RFTN1: variants seen among roughly 807,000 people sequenced by gnomAD.
RFTN1 encodes raftlin.
A neutral mutation model predicts 46.5 loss-of-function variants in RFTN1; 26 were observed. The observed-to-expected ratio is 0.56, with a 90% CI of 0.41 to 0.78. The LOEUF (loss-of-function observed/expected upper bound fraction) is 0.78, where lower values mean the gene tolerates loss of function less well. Among genes scored for constraint, RFTN1 ranks in the 30% least tolerant of loss-of-function variants. The probability of loss-of-function intolerance (pLI) is 0.00; values close to 1 mark genes in which losing one functional copy is unlikely to be tolerated. For missense variants in RFTN1, 693 were observed against 718.7 expected, an observed-to-expected ratio of 0.96 and a Z score of 0.41; for synonymous variants, 261 against 284.2, an observed-to-expected ratio of 0.92 and a Z score of 0.82.
Position 16,316,903 on chromosome 3 carries a change from G to A in RFTN1, c.1662C>T (p.His554=), listed in dbSNP as rs757333323. The change falls in exon 10 of 10, where the codon CAC becomes CAT. Residue 554 remains histidine, a synonymous_variant. Transcript: ENST00000334133. This position sits in a 1 kb window ranked among gnomAD's most constrained non-coding sequence, Gnocchi z 4.5. ...CCCTGGCATCCTCTCCAGGATTGGAGTGCCCAGTGCAAATCCCCACCAGGG... is the reference window on the plus strand; with the variant it reads ...CCCTGGCATCCTCTCCAGGATTGGAATGCCCAGTGCAAATCCCCACCAGGG... ...SRALVGICTG[H]SNPGEDARDG... 13 of 1,614,026 alleles carry A rather than the reference G, an allele frequency of 8.1e-6. No homozygotes were observed. The East Asian group carries it at 2.0e-4, about 25-fold the overall frequency.
chr3:16,502,042 G>C (rs886914861), intron 1 of RFTN1, among the ~76,000 whole-genome samples: 1 of 152,134 alleles, frequency 6.6e-6, no homozygotes, highest in African/African-American at 2.4e-5. Flanking sequence ...TTTTTTCTGA[G>C]TCATGACACT....
At chr3:16,359,057 T>G (rs968394698) in intron 6 of RFTN1, among the ~76,000 whole-genome samples, 42 of 123,938 alleles carry the variant, frequency 3.4e-4, no homozygotes, top group African/African-American at 1.2e-3. Flanking sequence ...AAAAAAGAAA[T>G]ACTGAACAGA....
intron 2 of RFTN1, among the ~76,000 whole-genome samples, chr3:16,476,529 G>A (rs1037561089): frequency 1.3e-5 from 2 of 152,210 alleles, no homozygotes; most frequent in African/African-American, 4.8e-5. Flanking sequence ...GAAAGAGGCT[G>A]TTTGGGGCAA....
chr3:16,486,974 C>G (rs972179370), intron 2 of RFTN1, among the ~76,000 whole-genome samples: 15 of 152,322 alleles, frequency 9.8e-5, no homozygotes, highest in African/African-American at 3.6e-4. Flanking sequence ...TGTCTTCCCC[C>G]CAACCCCCGT....
chr3:16,432,170 C>T (rs993247119), intron 3 of RFTN1, among the ~76,000 whole-genome samples: 1 of 152,130 alleles, frequency 6.6e-6, no homozygotes, highest in African/African-American at 2.4e-5. Context: ...CACTGTGGCC[C>T]CCAATCTTCT....
rs1162700741 is a variant in RFTN1 at position 16,500,167 on chromosome 3, C to T, written c.-8-6290G>A. On this transcript the variant is annotated intron_variant, in intron 1 of 9. Transcript: ENST00000334133. This position sits in a 1 kb window ranked among gnomAD's most constrained non-coding sequence, Gnocchi z 5.9. ...TCACCTGTGTCTAGTGAGACTCCCC[C>T]AGTACTTCATCTATGCTCCATCCTG... is the stretch of plus-strand genomic sequence containing the variant. Among the ~76,000 whole-genome samples, 2 of 152,196 alleles carry T rather than the reference C, an allele frequency of 1.3e-5. No homozygotes were observed. The highest frequency in any genetic ancestry group is 1.5e-5 in the Non-Finnish European group (1 of 68,046).
chr3:16,401,750 C>T (rs759389362), intron 4 of RFTN1, among the ~76,000 whole-genome samples: 1 of 152,214 alleles, frequency 6.6e-6, no homozygotes, highest in Admixed American at 6.5e-5. Flanking sequence ...GATCTGTCTG[C>T]TTACGCTGAA....
chr3:16,430,933 C>T (rs62236351), intron 3 of RFTN1, among the ~76,000 whole-genome samples: 16 of 152,158 alleles, frequency 1.1e-4, no homozygotes, highest in Non-Finnish European at 1.5e-4. Context: ...AGTAAACAAC[C>T]CCTACTGAGC....
chr3:16,505,308 C>G lies in RFTN1; in HGVS notation c.-9+8134G>C, dbSNP rs533704021. Reference sequence around the variant, plus strand: ...TGAAGTCAGGCTAAGCTACTGCAATCTTTTGTACACCCTCAGAACTCTCCA... The same window carrying G: ...TGAAGTCAGGCTAAGCTACTGCAATGTTTTGTACACCCTCAGAACTCTCCA... On this transcript the variant is annotated intron_variant, in intron 1 of 9. Coordinates refer to ENST00000334133, the MANE Select transcript of RFTN1 (RefSeq NM_015150.2). Among the ~76,000 whole-genome samples the G allele has an allele frequency of 5.3e-5, 8 of 152,296 alleles. 1 individual carries two copies. The highest frequency in any genetic ancestry group is 3.3e-4 in the Admixed American group (5 of 15,298).
chr3:16,353,040 G>C lies in RFTN1; in HGVS notation c.1146+4892C>G, dbSNP rs2072202938. 6.6e-6 allele frequency among the ~76,000 whole-genome samples: 1 copy of C among 152,318 alleles called. No homozygotes were observed. The highest frequency in any genetic ancestry group is 2.1e-4 in the South Asian group (1 of 4,824). On this transcript the variant is annotated intron_variant, in intron 7 of 9. Coordinates refer to ENST00000334133, the MANE Select transcript of RFTN1 (RefSeq NM_015150.2). This position sits in a 1 kb window ranked among gnomAD's most constrained non-coding sequence, Gnocchi z 5.4. ...TACACAGAGCTGAGGGATCAGCACA[G>C]GAGGAGGAAAGAGGCAGGAAAGGGA...
chr3:16,369,985 A>G, intron 6 of RFTN1, 91 bp downstream of exon 6: 1 of 1,207,820 alleles, frequency 8.3e-7, no homozygotes, highest in Non-Finnish European at 1.2e-6. Flanking sequence ...AGCTTTCTGA[A>G]TGAAGCAGAC....
At position 16,317,040 on chromosome 3, in the gene RFTN1, T is replaced by TCATCTCCTCGGAGACTCCACCCTC; in HGVS notation, c.1501_1524dup (p.Glu501_Met508dup). The TCATCTCCTCGGAGACTCCACCCTC allele has an allele frequency of 1.9e-6, 3 of 1,613,754 alleles. No homozygotes were observed. Among genetic ancestry groups the TCATCTCCTCGGAGACTCCACCCTC allele is most frequent in the Non-Finnish European group, 2.5e-6 (3 of 1,179,924 alleles). On this transcript the variant is annotated inframe_insertion, in exon 10 of 10. Transcript: ENST00000334133. The surrounding 1 kb of genome is among the most constrained non-coding windows in gnomAD (Gnocchi z 4.3). ...CCCTTGTCCTCTTGGACAGGGCCCT[T>TCATCTCCTCGGAGACTCCACCCTC]CATCTCCTCGGAGACTCCACCCTCC...
At position 16,387,251 on chromosome 3, in the gene RFTN1, A is replaced by C. The variant is rs1349444650; in HGVS notation, c.442-9149T>G. Among the ~76,000 whole-genome samples the C allele has an allele frequency of 2.0e-5, 3 of 152,232 alleles. No individual in the cohort carries two copies. Among genetic ancestry groups the C allele is most frequent in the African/African-American group, 7.2e-5 (3 of 41,468 alleles). ...GAGGAGGGCTCAAGGTCTCCCGCCA[A>C]GGCTGAGGCCACACGGCCACCCTGC... On this transcript the variant is annotated intron_variant, in intron 4 of 9. Transcript: ENST00000334133. The surrounding 1 kb of genome is among the most constrained non-coding windows in gnomAD (Gnocchi z 5.2).
chr3:16,372,130 C>A (rs565534475), intron 5 of RFTN1, among the ~76,000 whole-genome samples: 4 of 152,024 alleles, frequency 2.6e-5, no homozygotes, highest in African/African-American at 4.8e-5. Flanking sequence ...CTTTCCTGTG[C>A]AAGTAGTTTA....
rs991717913 is a variant in RFTN1 at position 16,440,388 on chromosome 3, A to G, written c.146-6351T>C. ...CTCAGCTAATTTTTGTATTTTTAGT[A>G]GAGTCAGGGTTTCACTATGTTGGCC... is the stretch of plus-strand genomic sequence containing the variant. On this transcript the variant is annotated intron_variant, in intron 2 of 9. Transcript: ENST00000334133. This position sits in a 1 kb window ranked among gnomAD's most constrained non-coding sequence, Gnocchi z 4.6. Among the ~76,000 whole-genome samples, 3 of 152,176 alleles carry G rather than the reference A, an allele frequency of 2.0e-5. No homozygotes were observed. The highest frequency in any genetic ancestry group is 4.4e-5 in the Non-Finnish European group (3 of 68,030).
Position 16,344,712 on chromosome 3 carries a change from C to A in RFTN1, c.1146+13220G>T, listed in dbSNP as rs978076401. 6.6e-6 allele frequency among the ~76,000 whole-genome samples: 1 copy of A among 152,186 alleles called. No homozygotes were observed. The highest frequency in any genetic ancestry group is 2.4e-5 in the African/African-American group (1 of 41,434). Reference sequence around the variant, plus strand: ...GAAAGCTCATGAAGACAGACCTCCTCCCAATGAAAGCACATCGTTGCCAAG... The same window carrying A: ...GAAAGCTCATGAAGACAGACCTCCTACCAATGAAAGCACATCGTTGCCAAG... On this transcript the variant is annotated intron_variant, in intron 7 of 9. Transcript: ENST00000334133. The surrounding 1 kb of genome is among the most constrained non-coding windows in gnomAD (Gnocchi z 4.4).
chr3:16,402,821 G>C lies in RFTN1; in HGVS notation c.441+6554C>G, dbSNP rs976615288. On this transcript the variant is annotated intron_variant, in intron 4 of 9. Transcript: ENST00000334133. The surrounding 1 kb of genome is among the most constrained non-coding windows in gnomAD (Gnocchi z 4.5). ...TTTAATCCAGGACAGTACACTCATT[G>C]AGTGGGACCAGCCGCCCCTCAACGG... Among the ~76,000 whole-genome samples, 1 of 152,182 alleles carries C rather than the reference G, an allele frequency of 6.6e-6. No homozygotes were observed. Among genetic ancestry groups the C allele is most frequent in the Non-Finnish European group, 1.5e-5 (1 of 68,032 alleles).
In RFTN1 at chr3:16,507,946, C is replaced by T. The variant is rs1355119204; in HGVS notation, c.-9+5496G>A. On this transcript the variant is annotated intron_variant, in intron 1 of 9. Coordinates refer to ENST00000334133, the MANE Select transcript of RFTN1 (RefSeq NM_015150.2). This position sits in a 1 kb window ranked among gnomAD's most constrained non-coding sequence, Gnocchi z 7.1. ...GAGGTCTGCCTATGGAACAACACGA[C>T]GGGACATTTCAGGTGTAAACGCCAG... Among the ~76,000 whole-genome samples, 2 of 152,148 alleles carry T rather than the reference C, an allele frequency of 1.3e-5. No individual in the cohort carries two copies. Among genetic ancestry groups the T allele is most frequent in the Non-Finnish European group, 2.9e-5 (2 of 68,034 alleles).
In RFTN1 at chr3:16,411,859, T is replaced by C. The variant is rs576304950; in HGVS notation, c.333-2376A>G. On this transcript the variant is annotated intron_variant, in intron 3 of 9. Transcript: ENST00000334133. ...AAATGAATAGACTAAAAAACTATAA[T>C]CATTTTAAATAAGTCAATGCTGTAT... is the stretch of plus-strand genomic sequence containing the variant. Among the ~76,000 whole-genome samples, 19 of 152,320 alleles carry C rather than the reference T, an allele frequency of 1.2e-4. 1 individual carries two copies. In the South Asian group the frequency reaches 3.1e-3, roughly 25 times the overall value.
Sources: allele counts gnomAD v4.1 joint callset (sites outside exome capture counted in the v4.1 genomes callset), GRCh38; gene constraint gnomAD v4.1.1; non-coding constraint Gnocchi (gnomAD v3.1); transcripts MANE v1.5; gene names NCBI Gene and HGNC (gene_info 2026-07-23, HGNC 2026-07-21).